The following FAM162B variants were observed in gnomAD, a reference collection of about 807,000 sequenced individuals.
The protein encoded by FAM162B is protein FAM162B.
In FAM162B, 16 loss-of-function variants were observed where a neutral mutation model predicts 20.0. The ratio of observed to expected loss-of-function variants is 0.80; its 90% CI spans 0.54 to 1.21. The LOEUF is 1.21. Ranked by LOEUF, FAM162B falls within the 50% of genes most tolerant of loss-of-function variation. The pLI, the probability that FAM162B is intolerant of heterozygous loss-of-function variation, is 0.00. For missense variants in FAM162B, 260 were observed against 227.5 expected (o/e 1.14, Z -0.92); for synonymous variants, 83 against 89.7 (o/e 0.93, Z 0.42).
chr6:116,761,277 C>G (rs902225661), intron 3 of FAM162B, among the ~76,000 whole-genome samples: 1 of 152,110 alleles, frequency 6.6e-6, no homozygotes, highest in African/African-American at 2.4e-5. Flanking sequence ...TAATTTCTCA[C>G]TAGAGGTATT....
chr6:116,752,651 C>G lies in FAM162B; in HGVS notation c.435G>C (p.Lys145Asn). 1 of 1,592,356 alleles carries G rather than the reference C, an allele frequency of 6.3e-7. No homozygotes were observed. Among genetic ancestry groups the G allele is most frequent in the Non-Finnish European group, 8.6e-7 (1 of 1,167,986 alleles). Reference sequence around the variant, plus strand: ...CAGCTTCTTCACGCCACTTAGCTTTCTTTGCCAAGTTCCAACTTGTTAAGG... The same window carrying G: ...CAGCTTCTTCACGCCACTTAGCTTTGTTTGCCAAGTTCCAACTTGTTAAGG... ...HESLTSWNLA[K>N]KAKWREEAAL... The change falls in exon 4 of 4, where the codon AAG (lysine) becomes AAC (asparagine). Residue 145 changes from lysine to asparagine, a missense_variant. Coordinates refer to ENST00000368557, the MANE Select transcript of FAM162B (RefSeq NM_001085480.3).
At chr6:116,755,367 G>C (rs191770226) in intron 3 of FAM162B, among the ~76,000 whole-genome samples, 2 of 152,306 alleles carry the variant, frequency 1.3e-5, no homozygotes, top group East Asian at 3.9e-4. Context: ...GCCTAATATG[G>C]AGCAAGGCCC....
chr6:116,757,641 T>C (rs973958543), intron 3 of FAM162B, among the ~76,000 whole-genome samples: 3 of 151,182 alleles, frequency 2.0e-5, no homozygotes, highest in Non-Finnish European at 2.9e-5. Context: ...CCCAGATACT[T>C]AGGAGGCTGA....
In FAM162B at chr6:116,765,565, C is replaced by G; in HGVS notation, c.12G>C (p.Ala4=). 1 of 1,356,592 alleles carries G rather than the reference C, an allele frequency of 7.4e-7. No homozygotes were observed. Among genetic ancestry groups the G allele is most frequent in the Non-Finnish European group, 9.4e-7 (1 of 1,062,852 alleles). The allele number at this position is 1,356,592 out of a possible 1,614,324, so 84.0% of individuals were successfully genotyped here. ...GGCCAAGGCGCAGTAGGCTCCCGAC[C>G]GCCCTGAGCATGCTGCCCGCTTGTC... is the stretch of plus-strand genomic sequence containing the variant. MLR[A]VGSLLRLGRG... The change falls in exon 1 of 4, where the codon GCG becomes GCC. Residue 4 remains alanine, a synonymous_variant. Transcript: ENST00000368557.
intron 3 of FAM162B, among the ~76,000 whole-genome samples, chr6:116,761,419 T>C (rs590991): frequency 0.55 from 83,237 of 151,550 alleles, 23,693 homozygotes; most frequent in African/African-American, 0.69. Flanking sequence ...AATAGCTAAT[T>C]GAGTTCCTGA....
At chr6:116,754,102 A>C (rs1562466939) in intron 3 of FAM162B, among the ~76,000 whole-genome samples, 1 of 152,162 alleles carries the variant, frequency 6.6e-6, no homozygotes, top group East Asian at 1.9e-4. Context: ...TTTATAACTA[A>C]CTATTTCCCT....
intron 3 of FAM162B, among the ~76,000 whole-genome samples, chr6:116,761,121 A>G (rs1780135816): frequency 6.6e-6 from 1 of 152,166 alleles, no homozygotes; most frequent in Admixed American, 6.5e-5. Flanking sequence ...AAGTTGTTAG[A>G]GTGGTTAAAA....
intron 3 of FAM162B, among the ~76,000 whole-genome samples, chr6:116,760,174 A>G (rs1158142158): frequency 6.6e-6 from 1 of 152,246 alleles, no homozygotes; most frequent in African/African-American, 2.4e-5. Flanking sequence ...ATGATTTAAA[A>G]TCAGTGTTTG....
In FAM162B at chr6:116,761,228, T is replaced by G. The variant is rs534676882; in HGVS notation, c.390+749A>C. ...AAAGTGACCAGTAGATGGAAGGATT[T>G]TGGGAGGCAGAAAACAAAATTAGAG... On this transcript the variant is annotated intron_variant, in intron 3 of 3. Coordinates refer to ENST00000368557, the MANE Select transcript of FAM162B (RefSeq NM_001085480.3). Among the ~76,000 whole-genome samples, 116 of 152,216 alleles carry G rather than the reference T, an allele frequency of 7.6e-4. 1 individual carries two copies. The highest frequency in any genetic ancestry group is 2.7e-3 in the African/African-American group (114 of 41,536).
At chr6:116,760,101 T>G (rs1780122259) in intron 3 of FAM162B, among the ~76,000 whole-genome samples, 1 of 152,268 alleles carries the variant, frequency 6.6e-6, no homozygotes, top group Non-Finnish European at 1.5e-5. Context: ...TTCCATGATA[T>G]TCTAATAACT....
In FAM162B at chr6:116,762,086, C is replaced by T; in HGVS notation, c.282-1G>A. 10 of 1,565,620 alleles carry T rather than the reference C, an allele frequency of 6.4e-6. No homozygotes were observed. Among genetic ancestry groups the T allele is most frequent in the Non-Finnish European group, 7.9e-6 (9 of 1,145,816 alleles). On this transcript the variant is annotated splice_acceptor_variant, in intron 2 of 3. Transcript: ENST00000368557. LOFTEE classifies it high-confidence loss of function. Reference sequence around the variant, plus strand: ...TCTTGCGGTGTCTATCATTTCTGGCCTAAACAAAGATGTGTATTTTGTTAA... The same window carrying T: ...TCTTGCGGTGTCTATCATTTCTGGCTTAAACAAAGATGTGTATTTTGTTAA...
At chr6:116,755,803 C>A (rs1377943741) in intron 3 of FAM162B, among the ~76,000 whole-genome samples, 1 of 152,120 alleles carries the variant, frequency 6.6e-6, no homozygotes, top group Admixed American at 6.5e-5. Context: ...TATGGTAAAT[C>A]TACTCTGCCT....
chr6:116,764,740 G>A (rs1771874139), intron 2 of FAM162B, among the ~76,000 whole-genome samples: 1 of 152,136 alleles, frequency 6.6e-6, no homozygotes, highest in African/African-American at 2.4e-5. Flanking sequence ...CCCTTCCTTG[G>A]GTGGGGTAGG....
chr6:116,757,146 T>C (rs946943031), intron 3 of FAM162B, among the ~76,000 whole-genome samples: 10 of 152,162 alleles, frequency 6.6e-5, no homozygotes, highest in African/African-American at 2.4e-4. Flanking sequence ...TCAGGGAGGG[T>C]AAGAAATTAC....
intron 3 of FAM162B, among the ~76,000 whole-genome samples, chr6:116,757,615 C>T (rs1217873509): frequency 6.6e-6 from 1 of 151,904 alleles, no homozygotes; most frequent in African/African-American, 2.4e-5. Flanking sequence ...CCGGCATGGT[C>T]ATTGACACCT....
At chr6:116,763,776 A>ATTT (rs5879386) in intron 2 of FAM162B, among the ~76,000 whole-genome samples, 17 of 142,764 alleles carry the variant, frequency 1.2e-4, no homozygotes, top group East Asian at 4.0e-4. Context: ...ACTTATTTTA[A>ATTT]TTTTTTTTTT....
Position 116,765,466 on chromosome 6 carries a change from G to A in FAM162B, c.111C>T (p.Pro37=), listed in dbSNP as rs1035964384. 9.1e-6 allele frequency: 13 copies of A among 1,424,940 alleles called. No individual in the cohort carries two copies. Among genetic ancestry groups the A allele is most frequent in the Non-Finnish European group, 1.1e-5 (12 of 1,092,062 alleles). 88.3% of individuals were successfully genotyped at this position (1,424,940 alleles called of 1,614,324 possible). A position where few individuals can be genotyped will look rare whatever the true frequency, so the allele number is the denominator to read the frequency against. Residue 37 remains proline (P), a synonymous_variant, in exon 1 of 4, where the codon CCC becomes CCT. Coordinates refer to ENST00000368557, the MANE Select transcript of FAM162B (RefSeq NM_001085480.3). The stretch of plus-strand genomic sequence containing the variant: ...CGCTGGAGTAGCAGGGGAGACCCCG[G>A]GGCGGAAGAGCCGGTGCGGGCCGTC... The part of the protein sequence containing the change: ...ATRRPAPALP[P]RGLPCYSSGG...
intron 3 of FAM162B, among the ~76,000 whole-genome samples, chr6:116,761,040 G>A (rs1219605804): frequency 6.6e-6 from 1 of 152,202 alleles, no homozygotes; most frequent in East Asian, 1.9e-4. Flanking sequence ...GGCTTCAGTT[G>A]CAGGTGCCAC....
In FAM162B at chr6:116,765,144, T is replaced by TA. The variant is rs780045149; in HGVS notation, c.281+2dup. On this transcript the variant is annotated splice_region_variant and intron_variant, in intron 2 of 3. Transcript: ENST00000368557. ...TCCTTCGCGCGGCGGTCGCCACACT[T>TA]ACGGGATCCGAGGCGGGATCTCCTC... The TA allele has an allele frequency of 6.2e-6, 10 of 1,612,940 alleles. 1 individual carries two copies. In the South Asian group the frequency reaches 7.7e-5, roughly 12 times the overall value.
Sources: gnomAD v4.1 joint callset for allele counts (sites outside exome capture counted in the v4.1 genomes callset) on GRCh38, gnomAD v4.1.1 for gene constraint, MANE v1.5 for transcripts, NCBI Gene and HGNC (gene_info 2026-07-23, HGNC 2026-07-21) for gene names.